Variants in HHAT observed in about 807,000 individuals in gnomAD.
The protein encoded by HHAT is protein-cysteine N-palmitoyltransferase HHAT.
In HHAT, 47 loss-of-function variants were observed where a neutral mutation model predicts 70.8. The ratio of observed to expected loss-of-function variants is 0.66; its 90% CI spans 0.53 to 0.85. The LOEUF is 0.85. Ranked by LOEUF, HHAT falls within the 40% of genes least tolerant of loss-of-function variation. The pLI is 0.00. For missense variants in HHAT, 609 were observed against 604.8 expected, an observed-to-expected ratio of 1.01 and a Z score of -0.07; for synonymous variants, 228 against 247.6, an observed-to-expected ratio of 0.92 and a Z score of 0.74.
intron 7 of HHAT, among the ~76,000 whole-genome samples, chr1:210,446,094 G>A (rs77171289): frequency 0.027 from 4,055 of 152,260 alleles, 181 homozygotes; most frequent in African/African-American, 0.093. Flanking sequence ...TGGGAAGAGC[G>A]CAAAGGGCGG....
chr1:210,664,589 GC>G (rs1678488933), intron 11 of HHAT, among the ~76,000 whole-genome samples: 1 of 152,176 alleles, frequency 6.6e-6, no homozygotes, highest in African/African-American at 2.4e-5. Flanking sequence ...TCCTCCAGTG[GC>G]CTCAAAATAG....
chr1:210,551,638 C>T (rs181214137), intron 9 of HHAT, among the ~76,000 whole-genome samples: 7 of 152,236 alleles, frequency 4.6e-5, no homozygotes, highest in East Asian at 1.9e-4. Context: ...TTTATTGGAA[C>T]GGTTCTTTTT....
intron 7 of HHAT, among the ~76,000 whole-genome samples, chr1:210,436,873 C>T (rs768311645): frequency 2.0e-5 from 3 of 151,772 alleles, no homozygotes; most frequent in Non-Finnish European, 2.9e-5. Flanking sequence ...ATGAGGAACC[C>T]CAAATGGCTG....
intron 7 of HHAT, among the ~76,000 whole-genome samples, chr1:210,454,503 G>A (rs957848785): frequency 1.3e-5 from 2 of 152,120 alleles, no homozygotes; most frequent in Non-Finnish European, 2.9e-5. Flanking sequence ...GCAGTAAGCC[G>A]AGATCGTGCC....
intron 11 of HHAT, among the ~76,000 whole-genome samples, chr1:210,668,437 T>C (rs371412607): frequency 6.6e-6 from 1 of 152,194 alleles, no homozygotes; most frequent in African/African-American, 2.4e-5. Flanking sequence ...TTTCCTGTGC[T>C]GTTCTCAGGA....
chr1:210,537,581 G>A (rs1282774036), intron 9 of HHAT, among the ~76,000 whole-genome samples: 1 of 152,172 alleles, frequency 6.6e-6, no homozygotes, highest in African/African-American at 2.4e-5. Flanking sequence ...AGGTGAAAAT[G>A]GAGACAGGAA....
chr1:210,566,309 G>T (rs1200704745), intron 9 of HHAT, among the ~76,000 whole-genome samples: 1 of 152,088 alleles, frequency 6.6e-6, no homozygotes, highest in Admixed American at 6.5e-5. Flanking sequence ...AATATTTGTA[G>T]TAATCATGGG....
rs1255158442 is a variant in HHAT, at chr1:210,577,379, T to TA, written c.1044-10518dup. 2.0e-5 allele frequency among the ~76,000 whole-genome samples: 3 copies of TA among 152,302 alleles called. No individual in the cohort carries two copies. In the East Asian group the frequency reaches 5.8e-4, roughly 29 times the overall value. On this transcript the variant is annotated intron_variant, in intron 9 of 11. Transcript: ENST00000261458. ...CCGTACCTAGTGTGTTGGGAGTTTT[T>TA]ATCATAAAAGTTTGTTTAATTTTGC...
chr1:210,364,890 G>C (rs1367498885), intron 3 of HHAT, among the ~76,000 whole-genome samples: 6 of 152,332 alleles, frequency 3.9e-5, no homozygotes, highest in African/African-American at 1.4e-4. Flanking sequence ...GGAGCTCCAA[G>C]GATTCCGTCT....
intron 11 of HHAT, among the ~76,000 whole-genome samples, chr1:210,633,654 C>T (rs1671302305): frequency 6.6e-6 from 1 of 152,230 alleles, no homozygotes. Context: ...TAACCCCTGA[C>T]ATTGATTACA....
At chr1:210,376,585 T>C (rs1309460048) in intron 3 of HHAT, among the ~76,000 whole-genome samples, 2 of 152,212 alleles carry the variant, frequency 1.3e-5, no homozygotes, top group East Asian at 3.9e-4. Context: ...GATGGGGCAG[T>C]GTGCCCTGAG....
intron 7 of HHAT, among the ~76,000 whole-genome samples, chr1:210,427,163 G>T (rs898008358): frequency 1.3e-5 from 2 of 151,966 alleles, no homozygotes; most frequent in African/African-American, 2.4e-5. Context: ...AATTCTGTGG[G>T]GTCAGTGGTA....
chr1:210,344,218 C>G (rs1029351442), intron 1 of HHAT, among the ~76,000 whole-genome samples: 1 of 152,170 alleles, frequency 6.6e-6, no homozygotes, highest in Non-Finnish European at 1.5e-5. Flanking sequence ...CCGCTAGTTA[C>G]TATGTATCTC....
chr1:210,345,160 A>T (rs637544), intron 1 of HHAT, among the ~76,000 whole-genome samples: 45,411 of 151,620 alleles, frequency 0.3, 7,583 homozygotes, highest in African/African-American at 0.43. Flanking sequence ...AGTGTGGGGG[A>T]GTGAGTATGA....
In HHAT at chr1:210,674,960, C is replaced by T. The variant is rs1049927531; in HGVS notation, c.*581C>T. The T allele has an allele frequency of 2.0e-5, 3 of 152,374 alleles. No homozygotes were observed. Among genetic ancestry groups the T allele is most frequent in the Admixed American group, 2.0e-4 (3 of 15,294 alleles). The allele number at this position is 152,374 out of a possible 1,614,324, so 9.4% of individuals were successfully genotyped here. A position where few individuals can be genotyped will look rare whatever the true frequency, so the allele number is the denominator to read the frequency against. ...GTAGTCGAAGAAGACGGTAGCAGCC[C>T]TGTAGCATTCTAAGGCATCTATACC... On this transcript the variant is annotated 3_prime_UTR_variant, in exon 12 of 12. Transcript: ENST00000261458.
intron 9 of HHAT, among the ~76,000 whole-genome samples, chr1:210,555,257 G>T (rs1558151688): frequency 2.0e-5 from 3 of 152,198 alleles, no homozygotes. Flanking sequence ...CCCCTCTGCT[G>T]CCCGTAGTTC....
intron 6 of HHAT, among the ~76,000 whole-genome samples, chr1:210,414,157 T>G (rs1198538407): frequency 1.3e-5 from 2 of 152,212 alleles, no homozygotes; most frequent in East Asian, 3.8e-4. Flanking sequence ...TCCTTGTTCA[T>G]AGATTGGCAC....
chr1:210,587,871 T>C, intron 9 of HHAT, 27 bp from the exon 10 acceptor site: 1 of 1,592,434 alleles, frequency 6.3e-7, no homozygotes, highest in Non-Finnish European at 8.6e-7. Flanking sequence ...CCTCTGTATG[T>C]CTCCTAACAG....
chr1:210,662,864 G>A (rs564545735), intron 11 of HHAT, among the ~76,000 whole-genome samples: 3 of 152,224 alleles, frequency 2.0e-5, no homozygotes, highest in African/African-American at 7.2e-5. Flanking sequence ...GGCCTCATCA[G>A]GATGTGAAAT....
Sources: gnomAD v4.1 joint callset for allele counts (sites outside exome capture counted in the v4.1 genomes callset) on GRCh38, gnomAD v4.1.1 for gene constraint, MANE v1.5 for transcripts, NCBI Gene and HGNC (gene_info 2026-07-23, HGNC 2026-07-21) for gene names.